ZBTB25: variants seen among roughly 807,000 people sequenced by gnomAD.
The protein encoded by ZBTB25 is zinc finger and BTB domain containing 25.
A neutral mutation model predicts 34.2 loss-of-function variants in ZBTB25; 20 were observed. The ratio of observed to expected loss-of-function variants is 0.58; its 90% CI spans 0.41 to 0.85. The LOEUF (loss-of-function observed/expected upper bound fraction) is 0.85. Ranked by LOEUF, ZBTB25 falls within the 40% of genes least tolerant of loss-of-function variation. ZBTB25 has a pLI of 0.00. For missense variants in ZBTB25, 437 were observed against 521.8 expected (o/e 0.84, Z 1.58); for synonymous variants, 175 against 186.4 (o/e 0.94, Z 0.50).
intron 2 of ZBTB25, among the ~76,000 whole-genome samples, chr14:64,488,824 C>T (rs1053559865): frequency 3.9e-5 from 6 of 152,110 alleles, no homozygotes; most frequent in Admixed American, 2.0e-4. Flanking sequence ...TGGAAATAGA[C>T]AGTGGTAATG....
downstream of ZBTB25, among the ~76,000 whole-genome samples, chr14:64,476,821 G>A (rs1416492726): frequency 6.6e-6 from 1 of 152,232 alleles, no homozygotes; most frequent in South Asian, 2.1e-4. Context: ...ATTTCAGGGT[G>A]AATTTGTTTA....
chr14:64,486,956 T>A lies in ZBTB25; in HGVS notation c.1275A>T (p.Thr425=), dbSNP rs1172316435. Residue 425 remains threonine (T), a synonymous_variant, in exon 3 of 3, where the codon ACA becomes ACT. Transcript: ENST00000608382. ...DLPCALESEL[T]QENVDTILVE Reference sequence around the variant, plus strand: ...CTAGGATAGTATCCACATTTTCTTGTGTGAGCTCTGACTCTAAGGCACAAG... The same window carrying A: ...CTAGGATAGTATCCACATTTTCTTGAGTGAGCTCTGACTCTAAGGCACAAG... The A allele has an allele frequency of 6.2e-7, 1 of 1,613,238 alleles. No homozygotes were observed. Among genetic ancestry groups the A allele is most frequent in the East Asian group, 2.2e-5 (1 of 44,864 alleles).
In ZBTB25 at chr14:64,503,651, C is replaced by T; in HGVS notation, c.-8+10G>A. 1 of 979,236 alleles carries T rather than the reference C, an allele frequency of 1.0e-6. No individual in the cohort carries two copies. The highest frequency in any genetic ancestry group is 1.2e-6 in the Non-Finnish European group (1 of 824,412). The allele number at this position is 979,236 out of a possible 1,614,324, so 60.7% of individuals were successfully genotyped here. A position where few individuals can be genotyped will look rare whatever the true frequency, so the allele number is the denominator to read the frequency against. Reference sequence around the variant, plus strand: ...GGGGCAGCCCACAGGGGCAGGACCGCGTCGCTTACCCAGATGCCGCCGCGG... The same window carrying T: ...GGGGCAGCCCACAGGGGCAGGACCGTGTCGCTTACCCAGATGCCGCCGCGG... On this transcript the variant is annotated intron_variant, in intron 1 of 2. Coordinates refer to ENST00000608382, the MANE Select transcript of ZBTB25 (RefSeq NM_006977.5).
At chr14:64,468,628 C>T in intron 2 of ZBTB25, 3 of 1,613,896 alleles carry the variant, frequency 1.9e-6, no homozygotes, top group Non-Finnish European at 2.5e-6. Context: ...CACGGGGGGC[C>T]TGGGCCTCAC....
At chr14:64,489,144 A>T (rs1361616033) in intron 2 of ZBTB25, among the ~76,000 whole-genome samples, 1 of 152,120 alleles carries the variant, frequency 6.6e-6, no homozygotes, top group East Asian at 1.9e-4. Flanking sequence ...GCTACTAGGG[A>T]GACTGAAGCA....
chr14:64,458,124 C>A (rs2078504710), intron 2 of ZBTB25: 2 of 1,041,590 alleles, frequency 1.9e-6, no homozygotes, highest in Non-Finnish European at 3.0e-6. Flanking sequence ...CTCCTGGCCT[C>A]AAGTGATCCT....
At chr14:64,463,764 CAAAT>C (rs2078581570) in intron 2 of ZBTB25, among the ~76,000 whole-genome samples, 1 of 152,016 alleles carries the variant, frequency 6.6e-6, no homozygotes, top group Non-Finnish European at 1.5e-5. Context: ...GACCCTGTCT[CAAAT>C]AAAAATAAAA....
downstream of ZBTB25, among the ~76,000 whole-genome samples, chr14:64,476,031 A>T (rs2078716460): frequency 6.6e-6 from 1 of 152,166 alleles, no homozygotes; most frequent in Non-Finnish European, 1.5e-5. Flanking sequence ...CTCCTGGGAG[A>T]TAGGAAACAA....
intron 1 of ZBTB25, 36 bp downstream of exon 1, chr14:64,503,625 C>T (rs2079572611): frequency 4.0e-5 from 39 of 984,962 alleles, no homozygotes; most frequent in Non-Finnish European, 4.7e-5. Context: ...GGACTGAGCC[C>T]GGGGCAGCCC....
chr14:64,489,205 G>GCCACTGCACTTCAGCCTGGGCA, intron 2 of ZBTB25, among the ~76,000 whole-genome samples: 1 of 152,108 alleles, frequency 6.6e-6, no homozygotes, highest in South Asian at 2.1e-4. Flanking sequence ...CTGAGATCAT[G>GCCACTGCACTTCAGCCTGGGCA]CCACTGCACT....
chr14:64,457,622 A>C (rs555133007), intron 2 of ZBTB25, among the ~76,000 whole-genome samples: 7 of 151,962 alleles, frequency 4.6e-5, no homozygotes, highest in African/African-American at 1.2e-4. Flanking sequence ...TGCCCAGCTA[A>C]TTTTTGTATT....
Position 64,486,650 on chromosome 14 carries a change from T to G in ZBTB25, c.*273A>C. On this transcript the variant is annotated 3_prime_UTR_variant, in exon 3 of 3. Transcript: ENST00000608382. ...AAAAACTTAGAATTCTATAAATAACTATTTAAGGTTTCCATATTTCTACAT... is the reference window on the plus strand; with the variant it reads ...AAAAACTTAGAATTCTATAAATAACGATTTAAGGTTTCCATATTTCTACAT... 1 of 1,038,504 alleles carries G rather than the reference T, an allele frequency of 9.6e-7. No homozygotes were observed. Among genetic ancestry groups the G allele is most frequent in the Non-Finnish European group, 1.2e-6 (1 of 843,576 alleles). The allele number at this position is 1,038,504 out of a possible 1,614,324, so 64.3% of individuals were successfully genotyped here.
intron 1 of ZBTB25, among the ~76,000 whole-genome samples, chr14:64,496,197 A>T (rs2079268971): frequency 6.6e-6 from 1 of 152,060 alleles, no homozygotes; most frequent in Admixed American, 6.5e-5. Flanking sequence ...TCTAAAAAGT[A>T]TTACAGACCA....
intron 2 of ZBTB25, chr14:64,468,548 G>T: frequency 1.2e-6 from 2 of 1,614,054 alleles, no homozygotes; most frequent in South Asian, 1.1e-5. Flanking sequence ...GCCCAAAGCT[G>T]GCTCTGAAGC....
chr14:64,505,067 C>A (rs1285466632), upstream of ZBTB25: 1 of 365,310 alleles, frequency 2.7e-6, no homozygotes, highest in East Asian at 4.0e-5. Context: ...GGAGCCGGAG[C>A]GCGGCGGACG....
In ZBTB25 at chr14:64,453,772, A is replaced by G. The variant is rs750183005; in HGVS notation, c.174-4134T>C. On this transcript the variant is annotated intron_variant, in intron 2 of 2. Transcript: ENST00000555220. ...GCATTAGCTCCCAGTTGAGGATAAAATCAGGATCATTGCACAGAAGATCTA... is the reference window on the plus strand; with the variant it reads ...GCATTAGCTCCCAGTTGAGGATAAAGTCAGGATCATTGCACAGAAGATCTA... 3.1e-6 allele frequency: 5 copies of G among 1,610,074 alleles called. No homozygotes were observed. The East Asian group carries it at 1.1e-4, about 36-fold the overall frequency.
intron 1 of ZBTB25, among the ~76,000 whole-genome samples, chr14:64,496,208 G>C (rs1224482825): frequency 6.6e-6 from 1 of 152,136 alleles, no homozygotes. Flanking sequence ...TTACAGACCA[G>C]TCACGGTGGC....
intron 1 of ZBTB25, 100 bp downstream of exon 1, chr14:64,503,561 G>A (rs2079570373): frequency 1.0e-6 from 1 of 986,080 alleles, no homozygotes; most frequent in African/African-American, 1.7e-5. Flanking sequence ...ACTTGCATCT[G>A]TCCCGCGACT....
chr14:64,488,371 G>C (rs184059429), intron 2 of ZBTB25, among the ~76,000 whole-genome samples: 1 of 152,014 alleles, frequency 6.6e-6, no homozygotes, highest in Non-Finnish European at 1.5e-5. Flanking sequence ...GAAAACTGAT[G>C]AATAAAATAG....
Sources: allele counts gnomAD v4.1 joint callset (sites outside exome capture counted in the v4.1 genomes callset), GRCh38; gene constraint gnomAD v4.1.1; transcripts MANE v1.5; gene names NCBI Gene and HGNC (gene_info 2026-07-23, HGNC 2026-07-21).